The following SECISBP2L variants were observed in gnomAD, a reference collection of about 807,000 sequenced individuals.
The protein encoded by SECISBP2L is selenocysteine insertion sequence-binding protein 2-like.
Under a neutral mutation model 114.7 loss-of-function variants are expected in SECISBP2L, and 43 were observed. The observed-to-expected ratio is 0.38, with a 90% CI of 0.29 to 0.48. SECISBP2L has a LOEUF of 0.48. Among genes scored for constraint, SECISBP2L ranks in the 20% least tolerant of loss-of-function variants. The probability of loss-of-function intolerance (pLI) is 0.98; values close to 1 mark genes in which losing one functional copy is unlikely to be tolerated. For missense variants in SECISBP2L, 1,136 were observed against 1,301.1 expected (o/e 0.87, Z 1.95); for synonymous variants, 451 against 439.7 (o/e 1.03, Z -0.32).
chr15:49,000,042 T>C, intron 15 of SECISBP2L, 55 bp from the exon 16 acceptor site: 1 of 1,583,090 alleles, frequency 6.3e-7, no homozygotes, highest in Non-Finnish European at 8.6e-7. Context: ...TGGAGCTAAT[T>C]GCACACCCGA....
intron 2 of SECISBP2L, 50 bp downstream of exon 2, chr15:49,037,541 A>T (rs149088983): frequency 2.6e-4 from 405 of 1,544,260 alleles, no homozygotes; most frequent in Non-Finnish European, 3.0e-4. Context: ...GCACTTTGCC[A>T]GCTTTTATAG....
chr15:49,016,830 A>C lies in SECISBP2L; in HGVS notation c.1419+18T>G. 6.2e-7 allele frequency: 1 copy of C among 1,606,268 alleles called. No homozygotes were observed. Among genetic ancestry groups the C allele is most frequent in the Non-Finnish European group, 8.5e-7 (1 of 1,176,898 alleles). Reference sequence around the variant, plus strand: ...AGCAAGTAAACTATCACATTTGTTCATAAAAATGAATATGTACCTGTAATT... The same window carrying C: ...AGCAAGTAAACTATCACATTTGTTCCTAAAAATGAATATGTACCTGTAATT... On this transcript the variant is annotated intron_variant, in intron 10 of 17. Coordinates refer to ENST00000559471, the MANE Select transcript of SECISBP2L (RefSeq NM_001193489.2).
At position 49,037,758 on chromosome 15, in the gene SECISBP2L, C is replaced by T; in HGVS notation, c.36G>A (p.Leu12=). ...GAATAAATGGCTCCACCTCAGCTGA[C>T]AGCTTGACATTCTTCAAAGAGAAAG... ...DRAPTEQNVK[L]SAEVEPFIPQ... Residue 12 remains leucine, a synonymous_variant, in exon 2 of 18, where the codon CTG becomes CTA. Coordinates refer to ENST00000559471, the MANE Select transcript of SECISBP2L (RefSeq NM_001193489.2). The T allele has an allele frequency of 6.3e-7, 1 of 1,599,302 alleles. No homozygotes were observed. The highest frequency in any genetic ancestry group is 8.5e-7 in the Non-Finnish European group (1 of 1,170,216).
intron 16 of SECISBP2L, 131 bp downstream of exon 16, chr15:48,999,702 C>A: frequency 2.1e-6 from 2 of 962,706 alleles, no homozygotes; most frequent in South Asian, 2.4e-5. Context: ...AAAAAATTTC[C>A]ATTTATTCTT....
At chr15:49,042,316 T>TTTTG (rs147743800) in intron 1 of SECISBP2L, 6,881 of 152,510 alleles carry the variant, frequency 0.045, 243 homozygotes, top group East Asian at 0.15. Flanking sequence ...TCCATAGGTT[T>TTTTG]TTTGTTTGTT....
chr15:49,012,844 C>T (rs1902464137), intron 11 of SECISBP2L, 27 bp from the exon 12 acceptor site: 3 of 1,594,454 alleles, frequency 1.9e-6, no homozygotes, highest in Non-Finnish European at 2.6e-6. Context: ...ACATTAGTTT[C>T]ACCATTAGGG....
intron 1 of SECISBP2L, among the ~76,000 whole-genome samples, chr15:49,040,051 A>G (rs1339901634): frequency 1.3e-5 from 2 of 152,150 alleles, no homozygotes; most frequent in Non-Finnish European, 2.9e-5. Flanking sequence ...CTTTGGTAGC[A>G]ATACATTCAA....
intron 9 of SECISBP2L, 35 bp from the exon 10 acceptor site, chr15:49,017,050 T>A (rs1448399832): frequency 1.4e-5 from 22 of 1,600,402 alleles, no homozygotes; most frequent in Non-Finnish European, 1.8e-5. Context: ...TTGTTAGTGA[T>A]CCCATAAAAG....
intron 14 of SECISBP2L, among the ~76,000 whole-genome samples, chr15:49,004,511 A>T (rs1478435937): frequency 6.6e-6 from 1 of 151,960 alleles, no homozygotes; most frequent in Non-Finnish European, 1.5e-5. Flanking sequence ...TAGTTCTTTT[A>T]ATTGTGATGT....
chr15:49,010,872 C>CTATA (rs1473001641), intron 13 of SECISBP2L, among the ~76,000 whole-genome samples: 3 of 152,164 alleles, frequency 2.0e-5, no homozygotes, highest in Admixed American at 6.5e-5. Context: ...GACCTGTCTA[C>CTATA]TATATATCTT....
rs79245735 is a variant in SECISBP2L at position 49,031,733 on chromosome 15, T to A, written c.664+1232A>T. On this transcript the variant is annotated intron_variant, in intron 4 of 17. Coordinates refer to ENST00000559471, the MANE Select transcript of SECISBP2L (RefSeq NM_001193489.2). Reference sequence around the variant, plus strand: ...AAATACTAATAGGATGTATAATATATAACATTCTATTCAAATTTCACCTTC... The same window carrying A: ...AAATACTAATAGGATGTATAATATAAAACATTCTATTCAAATTTCACCTTC... 7.5e-3 allele frequency among the ~76,000 whole-genome samples: 1,141 copies of A among 152,330 alleles called. 11 individuals are homozygous for A. The highest frequency in any genetic ancestry group is 0.022 in the African/African-American group (907 of 41,572).
intron 17 of SECISBP2L, among the ~76,000 whole-genome samples, chr15:48,993,171 G>A (rs1056062059): frequency 6.7e-6 from 1 of 150,174 alleles, no homozygotes; most frequent in Admixed American, 6.6e-5. Context: ...CTTTTAGGCT[G>A]GAATGCAGCA....
At chr15:48,994,421 T>C (rs956029784) in intron 17 of SECISBP2L, among the ~76,000 whole-genome samples, 1 of 152,146 alleles carries the variant, frequency 6.6e-6, no homozygotes. Flanking sequence ...CACCCTAGGA[T>C]AGAATCCAAA....
chr15:49,043,117 AT>A (rs568318503), intron 1 of SECISBP2L, among the ~76,000 whole-genome samples: 1 of 152,204 alleles, frequency 6.6e-6, no homozygotes, highest in South Asian at 2.1e-4. Context: ...TGAACATATT[AT>A]TTTTTAAATC....
At chr15:49,017,676 A>G (rs1374902053) in intron 8 of SECISBP2L, 48 bp from the exon 9 acceptor site, 1 of 1,307,296 alleles carries the variant, frequency 7.6e-7, no homozygotes, top group Non-Finnish European at 1.1e-6. Context: ...GCAAACTCCT[A>G]AACTTTTTAT....
At chr15:49,022,152 C>G (rs1377684846) in intron 7 of SECISBP2L, among the ~76,000 whole-genome samples, 1 of 152,166 alleles carries the variant, frequency 6.6e-6, no homozygotes, top group Admixed American at 6.5e-5. Context: ...GGGTCTCATT[C>G]TGTCACCCAG....
Position 48,992,475 on chromosome 15 carries a change from C to T in SECISBP2L, c.3075G>A (p.Gln1025=). Residue 1025 remains glutamine (Q), a synonymous_variant, in exon 18 of 18, where the codon CAG becomes CAA. Coordinates refer to ENST00000559471, the MANE Select transcript of SECISBP2L (RefSeq NM_001193489.2). ...SRIESWVSET[Q]RTMETLQLGK... is the part of the protein sequence containing the mutation. ...CAAGCTGAAGGGTTTCCATAGTTCT[C>T]TGGGTCTCTGAGACCCAAGACTCAA... 1 of 1,614,182 alleles carries T rather than the reference C, an allele frequency of 6.2e-7. No individual in the cohort carries two copies. Among genetic ancestry groups the T allele is most frequent in the Non-Finnish European group, 8.5e-7 (1 of 1,180,010 alleles).
At position 49,035,746 on chromosome 15, in the gene SECISBP2L, GACAAA is replaced by G. The variant is rs1902993563; in HGVS notation, c.204-93_204-89del. The G allele has an allele frequency of 4.3e-6, 5 of 1,174,624 alleles. No individual in the cohort carries two copies. The East Asian group carries it at 7.3e-5, about 17-fold the overall frequency. The allele number at this position is 1,174,624 out of a possible 1,614,324, so 72.8% of individuals were successfully genotyped here. A position where few individuals can be genotyped will look rare whatever the true frequency, so the allele number is the denominator to read the frequency against. On this transcript the variant is annotated intron_variant, in intron 2 of 17. Transcript: ENST00000559471. ...AATCTCTTAACTTACACTAATAAAA[GACAAA>G]ACAGAACAGTGGCTTCATGATAATT...
chr15:49,033,026 A>C lies in SECISBP2L; in HGVS notation c.603T>G (p.Asn201Lys), dbSNP rs750881239. Residue 201 changes from asparagine (N) to lysine (K), a missense_variant, in exon 4 of 18, where the codon AAT (asparagine) becomes AAG (lysine). Physicochemically the swap from Asn to Lys is moderately conservative, Grantham distance 94. Around this residue, in one of 2 missense-constraint regions of SECISBP2L, gnomAD observed 452 missense variants for 452.3 expected, o/e 1.00. Transcript: ENST00000559471. ...TTGATCGACTATCAGGACCTGCTGCATTTGTTTCTTTCTGAGTAGCTACAT... is the reference window on the plus strand; with the variant it reads ...TTGATCGACTATCAGGACCTGCTGCCTTTGTTTCTTTCTGAGTAGCTACAT... ...VKNVATQKET[N>K]AAGPDSRSKI... 1.9e-6 allele frequency: 3 copies of C among 1,614,050 alleles called. No individual in the cohort carries two copies. Among genetic ancestry groups the C allele is most frequent in the Non-Finnish European group, 2.5e-6 (3 of 1,180,000 alleles).
Sources: gnomAD v4.1 joint callset for allele counts (sites outside exome capture counted in the v4.1 genomes callset) on GRCh38, gnomAD v4.1.1 for gene constraint, gnomAD v4.1.1 regional missense constraint, MANE v1.5 for transcripts, NCBI Gene and HGNC (gene_info 2026-07-23, HGNC 2026-07-21) for gene names.